Variants in RHOU observed in about 807,000 individuals in gnomAD.
RHOU encodes the protein rho-related GTP-binding protein RhoU.
In RHOU, 8 loss-of-function variants were observed where a neutral mutation model predicts 12.6. The ratio of observed to expected loss-of-function variants is 0.64; its 90% CI spans 0.37 to 1.15. RHOU has a LOEUF of 1.15. Among genes scored for constraint, RHOU ranks in the 50% most tolerant of loss-of-function variants. RHOU has a pLI of 0.01. For synonymous variants in RHOU, 161 were observed against 147.4 expected (o/e 1.09, Z -0.67); for missense variants, 258 against 347.0 (o/e 0.74, Z 2.04).
the RHOU span, among the ~76,000 whole-genome samples, chr1:228,671,151 T>G: frequency 0.022 from 3,393 of 152,108 alleles, 64 homozygotes; most frequent in Middle Eastern, 0.071. Context: ...ATTACAGGCA[T>G]GCATCATCAT....
At chr1:228,739,171 G>C (rs1558086336) in intron 2 of RHOU, among the ~76,000 whole-genome samples, 1 of 152,162 alleles carries the variant, frequency 6.6e-6, no homozygotes, top group Non-Finnish European at 1.5e-5. Context: ...TTCTAGCACT[G>C]AATCTTTCTG....
the RHOU span, among the ~76,000 whole-genome samples, chr1:228,665,854 C>T: frequency 0.017 from 2,646 of 152,252 alleles, 66 homozygotes; most frequent in African/African-American, 0.061. Flanking sequence ...AGAAAGCAGT[C>T]CCTCCAGGGT....
Position 228,737,614 on chromosome 1 carries a change from A to T in RHOU, c.263-59A>T. The T allele has an allele frequency of 6.9e-7, 1 of 1,457,058 alleles. No homozygotes were observed. Among genetic ancestry groups the T allele is most frequent in the Non-Finnish European group, 9.6e-7 (1 of 1,037,022 alleles). The allele number at this position is 1,457,058 out of a possible 1,614,324, so 90.3% of individuals were successfully genotyped here. A position where few individuals can be genotyped will look rare whatever the true frequency, so the allele number is the denominator to read the frequency against. ...AATGATAGTGAAAGCTAAAACTATT[A>T]GTATTCCGAAAGGGGTTAAAAGACA... On this transcript the variant is annotated intron_variant, in intron 1 of 2. Coordinates refer to ENST00000366691, the MANE Select transcript of RHOU (RefSeq NM_021205.6). The surrounding 1 kb of genome is among the most constrained non-coding windows in gnomAD (Gnocchi z 4.1).
chr1:228,668,802 C>T, the RHOU span, among the ~76,000 whole-genome samples: 1 of 152,238 alleles, frequency 6.6e-6, no homozygotes. Flanking sequence ...CCCTGCTGTC[C>T]TTTCAGGCCT....
chr1:228,722,147 A>G, the RHOU span, among the ~76,000 whole-genome samples: 1 of 152,236 alleles, frequency 6.6e-6, no homozygotes, highest in Non-Finnish European at 1.5e-5. Flanking sequence ...GATGGGGTAC[A>G]TGGCTAACTG....
the RHOU span, among the ~76,000 whole-genome samples, chr1:228,694,517 C>G: frequency 3.2e-3 from 482 of 152,248 alleles, 5 homozygotes; most frequent in Middle Eastern, 0.027. Flanking sequence ...GTTGTTCCCC[C>G]ACAGGAGTCC....
At chr1:228,740,010 A>C (rs1278952020) in intron 2 of RHOU, among the ~76,000 whole-genome samples, 1 of 152,208 alleles carries the variant, frequency 6.6e-6, no homozygotes, top group Non-Finnish European at 1.5e-5. Context: ...GGAAGAAAAG[A>C]GGTTCGGGCT....
At chr1:228,734,917 C>T (rs3806285), upstream of RHOU, among the ~76,000 whole-genome samples, 25,572 of 152,070 alleles carry the variant, frequency 0.17, 2,816 homozygotes, top group African/African-American at 0.31. Context: ...GGAGCATTCA[C>T]AATGGAGCTG....
the RHOU span, among the ~76,000 whole-genome samples, chr1:228,704,675 C>T: frequency 7.9e-5 from 12 of 151,442 alleles, no homozygotes; most frequent in East Asian, 5.9e-4. Flanking sequence ...TGGCCAGGCT[C>T]GTGTTGAACT....
the RHOU span, among the ~76,000 whole-genome samples, chr1:228,654,263 C>T: frequency 6.6e-6 from 1 of 151,980 alleles, no homozygotes; most frequent in African/African-American, 2.4e-5. Context: ...CACACATCAC[C>T]ATGACCAGGT....
chr1:228,720,883 G>A, the RHOU span, among the ~76,000 whole-genome samples: 1 of 152,244 alleles, frequency 6.6e-6, no homozygotes, highest in African/African-American at 2.4e-5. Context: ...CCTACCAGAT[G>A]TTCCAGGGAA....
At chr1:228,740,604 G>A (rs1189713788) in intron 2 of RHOU, among the ~76,000 whole-genome samples, 1 of 152,162 alleles carries the variant, frequency 6.6e-6, no homozygotes, top group Non-Finnish European at 1.5e-5. Context: ...CATTTTAAGG[G>A]ACTTGCTGTG....
chr1:228,688,808 G>A, the RHOU span, among the ~76,000 whole-genome samples: 2 of 152,208 alleles, frequency 1.3e-5, no homozygotes, highest in South Asian at 2.1e-4. Flanking sequence ...CACCAGCGCA[G>A]GTAGAATTCT....
rs182348025 is a variant in RHOU at position 228,743,445 on chromosome 1, C to T, written c.482C>T (p.Thr161Met). The T allele has an allele frequency of 4.2e-5, 68 of 1,614,008 alleles. No homozygotes were observed. The highest frequency in any genetic ancestry group is 1.2e-4 in the Admixed American group (7 of 59,994). Reference protein sequence around the residue: ...CPKAPIILVGTQSDLREDVKV... With the variant: ...CPKAPIILVGMQSDLREDVKV... ...AAAGCCCCCATCATCCTAGTTGGAA[C>T]GCAGTCGGATCTCAGAGAAGATGTC... Residue 161 changes from threonine (T) to methionine (M), a missense_variant, in exon 3 of 3, where the codon ACG becomes ATG. Physicochemically the swap from Thr to Met is moderately conservative, Grantham distance 81. Transcript: ENST00000366691. The surrounding 1 kb of genome is among the most constrained non-coding windows in gnomAD (Gnocchi z 5.1).
At chr1:228,666,036 C>A in the RHOU span, among the ~76,000 whole-genome samples, 4 of 151,912 alleles carry the variant, frequency 2.6e-5, no homozygotes, top group African/African-American at 9.7e-5. Flanking sequence ...CGGCTCACTG[C>A]AACCTCTGCC....
the RHOU span, among the ~76,000 whole-genome samples, chr1:228,676,131 G>GCC: frequency 5.2e-3 from 754 of 146,382 alleles, 1 homozygote; most frequent in Admixed American, 7.6e-3. Flanking sequence ...TGCTGTAACC[G>GCC]CCCCCCCCCT....
the RHOU span, among the ~76,000 whole-genome samples, chr1:228,715,193 T>G: frequency 1.3e-5 from 2 of 152,098 alleles, no homozygotes; most frequent in Non-Finnish European, 1.5e-5. Flanking sequence ...GGAATTTAAT[T>G]CATTTATTTA....
the RHOU span, among the ~76,000 whole-genome samples, chr1:228,680,878 T>C: frequency 6.6e-6 from 1 of 152,194 alleles, no homozygotes; most frequent in Non-Finnish European, 1.5e-5. Flanking sequence ...TAATTTCGCC[T>C]AGCTATACCT....
At chr1:228,701,707 A>G in the RHOU span, among the ~76,000 whole-genome samples, 2 of 151,820 alleles carry the variant, frequency 1.3e-5, no homozygotes, top group African/African-American at 2.4e-5. Context: ...AGTTTTATTT[A>G]TATCTTTTAA....
Sources: gnomAD v4.1 joint callset for allele counts (sites outside exome capture counted in the v4.1 genomes callset) on GRCh38, gnomAD v4.1.1 for gene constraint, Gnocchi (gnomAD v3.1) non-coding constraint, MANE v1.5 for transcripts, NCBI Gene and HGNC (gene_info 2026-07-23, HGNC 2026-07-21) for gene names.